NRG3: variants seen among roughly 807,000 people sequenced by gnomAD.
NRG3 encodes neuregulin 3.
In NRG3, 31 loss-of-function variants were observed where a neutral mutation model predicts 66.9. That is an observed-to-expected ratio of 0.46 (90% CI 0.35 to 0.63). The LOEUF is 0.63. Among genes scored for constraint, NRG3 ranks in the 20% least tolerant of loss-of-function variants. The pLI is 0.00. For missense variants in NRG3, 910 were observed against 878.9 expected (o/e 1.04, Z -0.45); for synonymous variants, 393 against 359.4 (o/e 1.09, Z -1.06).
At chr10:82,449,895 T>G (rs1179772652) in intron 2 of NRG3, among the ~76,000 whole-genome samples, 1 of 152,170 alleles carries the variant, frequency 6.6e-6, no homozygotes, top group African/African-American at 2.4e-5. Flanking sequence ...GGGAGAGAGA[T>G]AGCAGAAGAC....
chr10:82,640,013 C>A (rs752172577), intron 2 of NRG3, among the ~76,000 whole-genome samples: 2 of 152,134 alleles, frequency 1.3e-5, no homozygotes, highest in Non-Finnish European at 2.9e-5. Context: ...TAAGTGACAA[C>A]ATGCAGTATT....
chr10:82,091,216 T>C (rs1377886269), intron 1 of NRG3, among the ~76,000 whole-genome samples: 1 of 152,186 alleles, frequency 6.6e-6, no homozygotes, highest in Non-Finnish European at 1.5e-5. Flanking sequence ...TAGTCTTAGA[T>C]ACATTCACAA....
At chr10:81,903,779 C>G (rs1286308169) in intron 1 of NRG3, among the ~76,000 whole-genome samples, 1 of 152,100 alleles carries the variant, frequency 6.6e-6, no homozygotes, top group Non-Finnish European at 1.5e-5. Context: ...CAAACATGTT[C>G]AACTGTTTTG....
At chr10:81,884,032 C>A (rs1268513798) in intron 1 of NRG3, among the ~76,000 whole-genome samples, 2 of 152,188 alleles carry the variant, frequency 1.3e-5, no homozygotes, top group East Asian at 3.8e-4. Flanking sequence ...TCTAGGCCTG[C>A]AGCCTAGGTT....
At chr10:82,889,223 G>A (rs1313557503) in intron 4 of NRG3, among the ~76,000 whole-genome samples, 1 of 152,140 alleles carries the variant, frequency 6.6e-6, no homozygotes, top group African/African-American at 2.4e-5. Flanking sequence ...CCTGAACAAA[G>A]ATTTCAGCCC....
intron 2 of NRG3, among the ~76,000 whole-genome samples, chr10:82,592,122 T>C (rs1032547138): frequency 1.3e-5 from 2 of 152,194 alleles, no homozygotes; most frequent in Admixed American, 6.5e-5. Flanking sequence ...CCAAAATAAA[T>C]ACAAACAAAC....
chr10:81,978,171 C>A (rs1184122033), intron 1 of NRG3, among the ~76,000 whole-genome samples: 1 of 152,122 alleles, frequency 6.6e-6, no homozygotes, highest in Non-Finnish European at 1.5e-5. Context: ...CTCTCCCTAT[C>A]CCTCTGTTCC....
intron 1 of NRG3, among the ~76,000 whole-genome samples, chr10:82,051,220 C>G (rs570423601): frequency 2.0e-5 from 3 of 152,208 alleles, no homozygotes; most frequent in Admixed American, 6.6e-5. Context: ...TTTTAAGAGG[C>G]CACTCAATCA....
At chr10:82,331,256 G>C (rs572389214) in intron 1 of NRG3, among the ~76,000 whole-genome samples, 1 of 152,026 alleles carries the variant, frequency 6.6e-6, no homozygotes, top group African/African-American at 2.4e-5. Context: ...TCTGGCACTC[G>C]TGCAAGTAGA....
intron 2 of NRG3, among the ~76,000 whole-genome samples, chr10:82,398,788 C>T (rs555178573): frequency 2.0e-5 from 3 of 152,070 alleles, no homozygotes; most frequent in South Asian, 2.1e-4. Context: ...CCAAAAATTC[C>T]GCCAGTGATC....
At chr10:81,914,505 G>A (rs1845476866) in intron 1 of NRG3, among the ~76,000 whole-genome samples, 1 of 152,060 alleles carries the variant, frequency 6.6e-6, no homozygotes, top group Non-Finnish European at 1.5e-5. Flanking sequence ...GGCCGAGGCA[G>A]CAGGATTGGT....
chr10:82,136,889 T>C (rs1301925961), intron 1 of NRG3, among the ~76,000 whole-genome samples: 1 of 152,280 alleles, frequency 6.6e-6, no homozygotes, highest in Non-Finnish European at 1.5e-5. Context: ...CTGTACTCTT[T>C]CAAACACATA....
At chr10:82,128,038 T>G (rs2068565400) in intron 1 of NRG3, among the ~76,000 whole-genome samples, 1 of 151,958 alleles carries the variant, frequency 6.6e-6, no homozygotes, top group South Asian at 2.1e-4. Context: ...AATAGAAATC[T>G]CTTGGCTAAG....
chr10:82,719,717 G>T (rs1424361073), intron 2 of NRG3, among the ~76,000 whole-genome samples: 6 of 152,180 alleles, frequency 3.9e-5, no homozygotes, highest in African/African-American at 1.2e-4. Context: ...CTAGGGATGA[G>T]AATGGCTTCA....
chr10:82,359,439 A>G (rs1347833557), intron 2 of NRG3, among the ~76,000 whole-genome samples: 1 of 152,232 alleles, frequency 6.6e-6, no homozygotes. Context: ...TAGTCCTGTT[A>G]TAGTCTAGGT....
intron 3 of NRG3, among the ~76,000 whole-genome samples, chr10:82,835,336 C>A (rs1015813049): frequency 6.6e-6 from 1 of 152,148 alleles, no homozygotes; most frequent in Non-Finnish European, 1.5e-5. Context: ...GCACACTCCA[C>A]GATGAGATTC....
chr10:82,264,638 C>T (rs1367855698), intron 1 of NRG3, among the ~76,000 whole-genome samples: 4 of 152,078 alleles, frequency 2.6e-5, no homozygotes, highest in African/African-American at 9.6e-5. Context: ...CTTTAAAAGT[C>T]GGGAAAAGGA....
chr10:81,934,580 T>C (rs905988826), intron 1 of NRG3, among the ~76,000 whole-genome samples: 3 of 152,234 alleles, frequency 2.0e-5, no homozygotes, highest in African/African-American at 7.2e-5. Flanking sequence ...CCAAGCATAC[T>C]GTAATAGATG....
chr10:82,748,417 AAT>A (rs2058729262), intron 3 of NRG3, among the ~76,000 whole-genome samples: 2 of 151,582 alleles, frequency 1.3e-5, no homozygotes. Flanking sequence ...TGGAATAAAA[AAT>A]ATGAGGCAAA....
Sources: gnomAD v4.1 joint callset for allele counts (sites outside exome capture counted in the v4.1 genomes callset) on GRCh38, gnomAD v4.1.1 for gene constraint, MANE v1.5 for transcripts, NCBI Gene and HGNC (gene_info 2026-07-23, HGNC 2026-07-21) for gene names.